The following TRIM46 variants were observed in gnomAD, a reference collection of about 807,000 sequenced individuals.
TRIM46 encodes the protein tripartite motif-containing protein 46.
A neutral mutation model predicts 69.7 loss-of-function variants in TRIM46; 17 were observed. That is an observed-to-expected ratio of 0.24 (90% CI 0.17 to 0.37). The LOEUF (loss-of-function observed/expected upper bound fraction) is 0.37. TRIM46 is among the 10% of genes least tolerant of loss of function. The probability of loss-of-function intolerance (pLI) is 1.00; values close to 1 mark genes in which losing one functional copy is unlikely to be tolerated. For missense variants in TRIM46, 675 were observed against 1,025.1 expected (o/e 0.66, Z 4.66); for synonymous variants, 391 against 429.0 (o/e 0.91, Z 1.09).
At chr1:155,176,471 T>A (rs1185060541) in intron 3 of TRIM46, among the ~76,000 whole-genome samples, 1 of 152,104 alleles carries the variant, frequency 6.6e-6, no homozygotes, top group Non-Finnish European at 1.5e-5. Context: ...ACCTAAAGGG[T>A]TGCTGAGAGG....
rs764413748 is a variant in TRIM46 at position 155,179,840 on chromosome 1, G to A, written c.1494G>A (p.Thr498=). The A allele has an allele frequency of 1.4e-5, 23 of 1,613,300 alleles. No homozygotes were observed. The highest frequency in any genetic ancestry group is 4.5e-5 in the East Asian group (2 of 44,880). The change falls in exon 8 of 10, where the codon ACG becomes ACA. Residue 498 remains threonine, a synonymous_variant. Transcript: ENST00000334634. ...GTSALLENPD[T]GSVYVLRVRG... ...GTGCCCTGCTTGAGAACCCCGACAC[G>A]GGCTCTGTGTATGTGCTGCGTGTCC...
At position 155,182,135 on chromosome 1, in the gene TRIM46, T is replaced by C. The variant is rs370036397; in HGVS notation, c.1872T>C (p.Asp624=). 2.5e-5 allele frequency: 40 copies of C among 1,613,678 alleles called. No homozygotes were observed. The Middle Eastern group carries it at 5.0e-4, about 20-fold the overall frequency. Residue 624 remains aspartate, a synonymous_variant, in exon 9 of 10, where the codon GAT becomes GAC. Transcript: ENST00000334634. ...AAGAAAGTTTCCAGGGTGCCCCCGA[T>C]GTGATCAGCCCCAGGTCAGACCCCT... The part of the protein sequence containing the change: ...KLQESFQGAP[D]VISPRYDPDS...
rs369082928 is a variant in TRIM46 at position 155,184,200 on chromosome 1, G to A, written c.*10G>A. Reference sequence around the variant, plus strand: ...CGCCAAGCTGGACTGAGCCTTCCAGGCCCCTCATGCAGACCTGGGGTCCTC... The same window carrying A: ...CGCCAAGCTGGACTGAGCCTTCCAGACCCCTCATGCAGACCTGGGGTCCTC... On this transcript the variant is annotated 3_prime_UTR_variant, in exon 10 of 10. Transcript: ENST00000334634. The surrounding 1 kb of genome is among the most constrained non-coding windows in gnomAD (Gnocchi z 5.6). The A allele has an allele frequency of 1.3e-6, 2 of 1,587,906 alleles. No individual in the cohort carries two copies. The highest frequency in any genetic ancestry group is 1.7e-6 in the Non-Finnish European group (2 of 1,166,592).
In TRIM46 at chr1:155,182,094, C is replaced by T; in HGVS notation, c.1831C>T (p.Leu611=). ...CTACTTGGTCAAGGTGGGCGTCGGG[C>T]TGGAGAGCAAGCTTCAAGAAAGTTT... ...ASYLVKVGVG[L]ESKLQESFQG... is the part of the protein sequence containing the mutation. The change falls in exon 9 of 10, where the codon CTG becomes TTG. Residue 611 remains leucine (L), a synonymous_variant. Coordinates refer to ENST00000334634, the MANE Select transcript of TRIM46 (RefSeq NM_025058.5). 1 of 1,614,188 alleles carries T rather than the reference C, an allele frequency of 6.2e-7. No homozygotes were observed. The highest frequency in any genetic ancestry group is 8.5e-7 in the Non-Finnish European group (1 of 1,180,018).
chr1:155,178,915 C>G, intron 7 of TRIM46: 1 of 1,167,308 alleles, frequency 8.6e-7, no homozygotes, highest in East Asian at 4.2e-5. Context: ...GCTGCTCCCA[C>G]GCATCTCAGC....
At chr1:155,183,116 T>C (rs546457145) in intron 9 of TRIM46, among the ~76,000 whole-genome samples, 16 of 152,086 alleles carry the variant, frequency 1.1e-4, no homozygotes, top group Middle Eastern at 6.8e-3. Flanking sequence ...TTCACCGTGT[T>C]AGCCAGGATG....
intron 9 of TRIM46, 83 bp downstream of exon 9, chr1:155,182,232 C>T (rs1666222713): frequency 1.1e-6 from 1 of 935,402 alleles, no homozygotes; most frequent in Non-Finnish European, 1.6e-6. Flanking sequence ...GGAGCACAGA[C>T]TTGCTAGGGT....
intron 7 of TRIM46, chr1:155,178,947 T>A: frequency 1.1e-6 from 1 of 887,656 alleles, no homozygotes; most frequent in Non-Finnish European, 1.6e-6. Flanking sequence ...TGCTTCCTTC[T>A]CTTTCCTGCC....
chr1:155,173,860 T>C lies in TRIM46; in HGVS notation c.-107T>C. On this transcript the variant is annotated 5_prime_UTR_variant, in exon 1 of 10. Transcript: ENST00000334634. ...TCCCGGGAGCATGCGCAGTGACACC[T>C]CAACCCCCAGCCCTCCTCACACCCC... 1 of 1,191,948 alleles carries C rather than the reference T, an allele frequency of 8.4e-7. No homozygotes were observed. The highest frequency in any genetic ancestry group is 1.2e-6 in the Non-Finnish European group (1 of 834,014). 73.8% of individuals were successfully genotyped at this position (1,191,948 alleles called of 1,614,324 possible).
In TRIM46 at chr1:155,179,758, T is replaced by G. The variant is rs1665994559; in HGVS notation, c.1412T>G (p.Val471Gly). ...HYTVEFRRTD[V>G]PAQPGPTRWQ... ...ACCGTTGAGTTCCGGCGCACGGATG[T>G]GCCTGCTCAGCCAGGCCCCACCCGC... The change falls in exon 8 of 10, where the codon GTG becomes GGG. Residue 471 changes from valine (V) to glycine (G), a missense_variant. Transcript: ENST00000334634. The G allele has an allele frequency of 6.2e-7, 1 of 1,613,384 alleles. No homozygotes were observed. Among genetic ancestry groups the G allele is most frequent in the Non-Finnish European group, 8.5e-7 (1 of 1,179,978 alleles).
intron 7 of TRIM46, among the ~76,000 whole-genome samples, chr1:155,179,122 T>C (rs1445780440): frequency 1.3e-5 from 2 of 152,152 alleles, no homozygotes; most frequent in African/African-American, 4.8e-5. Context: ...CCCTCAGCTT[T>C]TGCTGTCCCT....
rs759762073 is a variant in TRIM46, at chr1:155,184,112, C to T, written c.2202C>T (p.Gly734=). 1.1e-5 allele frequency: 18 copies of T among 1,613,886 alleles called. No homozygotes were observed. The highest frequency in any genetic ancestry group is 6.7e-5 in the Admixed American group (4 of 60,026). ...VCPAFCFIGG[G]AVQLQEPVGT... ...CTGCCTTTTGCTTCATCGGGGGTGG[C>T]GCAGTACAGCTCCAGGAGCCAGTGG... The change falls in exon 10 of 10, where the codon GGC becomes GGT. Residue 734 remains glycine, a synonymous_variant. Coordinates refer to ENST00000334634, the MANE Select transcript of TRIM46 (RefSeq NM_025058.5). This position sits in a 1 kb window ranked among gnomAD's most constrained non-coding sequence, Gnocchi z 5.6.
chr1:155,178,324 C>A, intron 6 of TRIM46, 69 bp downstream of exon 6: 2 of 1,560,042 alleles, frequency 1.3e-6, no homozygotes, highest in South Asian at 1.2e-5. Context: ...AGGACAATGT[C>A]TACAGTACTG....
At chr1:155,178,882 C>A in intron 7 of TRIM46, 1 of 1,389,332 alleles carries the variant, frequency 7.2e-7, no homozygotes, top group Non-Finnish European at 9.5e-7. Context: ...GCCCTGCCCG[C>A]CGCCGGGCCC....
chr1:155,177,778 G>T (rs894424884), intron 5 of TRIM46, among the ~76,000 whole-genome samples: 3 of 152,226 alleles, frequency 2.0e-5, no homozygotes, highest in Admixed American at 1.3e-4. Flanking sequence ...CAGAGATTAT[G>T]ATGTGGGGTT....
Position 155,181,510 on chromosome 1 carries a change from T to C in TRIM46, c.1589-342T>C, listed in dbSNP as rs1272825894. ...AGGCACAGATTGATGGTGATGGGAA[T>C]GTCACCAGGTGGAACAGAATAGTGG... On this transcript the variant is annotated intron_variant, in intron 8 of 9. Coordinates refer to ENST00000334634, the MANE Select transcript of TRIM46 (RefSeq NM_025058.5). The surrounding 1 kb of genome is among the most constrained non-coding windows in gnomAD (Gnocchi z 4.3). Among the ~76,000 whole-genome samples the C allele has an allele frequency of 6.6e-6, 1 of 152,064 alleles. No homozygotes were observed. Among genetic ancestry groups the C allele is most frequent in the Non-Finnish European group, 1.5e-5 (1 of 68,000 alleles).
intron 3 of TRIM46, 85 bp from the exon 4 acceptor site, chr1:155,176,847 G>A: frequency 6.5e-7 from 1 of 1,531,692 alleles, no homozygotes; most frequent in Non-Finnish European, 8.9e-7. Flanking sequence ...TGCCAGTGGA[G>A]GAGGGCACCA....
chr1:155,178,506 C>T lies in TRIM46; in HGVS notation c.1178C>T (p.Thr393Ile). 1.2e-6 allele frequency: 2 copies of T among 1,614,082 alleles called. No homozygotes were observed. Among genetic ancestry groups the T allele is most frequent in the African/African-American group, 1.3e-5 (1 of 75,054 alleles). The change falls in exon 7 of 10, where the codon ACT (threonine) becomes ATT (isoleucine). Residue 393 changes from threonine (T) to isoleucine (I), a missense_variant. This residue lies in a region of TRIM46 where 361 missense variants were observed against 498.3 expected (regional missense o/e 0.72). Transcript: ENST00000334634. Reference protein sequence around the residue: ...KQLHNRIARATEALQTFRPAA... With the variant: ...KQLHNRIARAIEALQTFRPAA... ...CCCCATCCCAGGATTGCCCGAGCCA[C>T]TGAAGCCCTCCAGACATTCCGGCCA...
At position 155,183,943 on chromosome 1, in the gene TRIM46, G is replaced by GC. The variant is rs1557819600; in HGVS notation, c.2037dup (p.Thr680HisfsTer19). On this transcript the variant is annotated frameshift_variant, in exon 10 of 10. Coordinates refer to ENST00000334634, the MANE Select transcript of TRIM46 (RefSeq NM_025058.5). LOFTEE classifies it high-confidence loss of function. ...AACGCAGGGCTGACAGGGAGGGATGGCCCCACAGCCGGCTGCACAGTGCCC... is the reference window on the plus strand; with the variant it reads ...AACGCAGGGCTGACAGGGAGGGATGGCCCCCACAGCCGGCTGCACAGTGCCC... 1 of 1,613,790 alleles carries GC rather than the reference G, an allele frequency of 6.2e-7. No homozygotes were observed. Among genetic ancestry groups the GC allele is most frequent in the Non-Finnish European group, 8.5e-7 (1 of 1,180,038 alleles).
Sources: gnomAD v4.1 joint callset for allele counts (sites outside exome capture counted in the v4.1 genomes callset) on GRCh38, gnomAD v4.1.1 for gene constraint, gnomAD v4.1.1 regional missense constraint, Gnocchi (gnomAD v3.1) non-coding constraint, MANE v1.5 for transcripts, NCBI Gene and HGNC (gene_info 2026-07-23, HGNC 2026-07-21) for gene names.